Variants in PRKCE observed in about 807,000 individuals in gnomAD.
PRKCE encodes protein kinase C epsilon type.
PRKCE carries 16 observed loss-of-function variants against 85.4 expected under a neutral mutation model. The observed-to-expected ratio is 0.19, with a 90% CI of 0.13 to 0.28. The LOEUF (loss-of-function observed/expected upper bound fraction) is 0.28, where lower values mean the gene tolerates loss of function less well. Among genes scored for constraint, PRKCE ranks in the 10% least tolerant of loss-of-function variants. The pLI, the probability that PRKCE is intolerant of heterozygous loss-of-function variation, is 1.00. For missense variants in PRKCE, 573 were observed against 975.2 expected, an observed-to-expected ratio of 0.59 and a Z score of 5.49; for synonymous variants, 388 against 371.5, an observed-to-expected ratio of 1.04 and a Z score of -0.51.
chr2:45,921,072 C>T (rs1294601217), intron 2 of PRKCE, among the ~76,000 whole-genome samples: 3 of 152,224 alleles, frequency 2.0e-5, no homozygotes, highest in African/African-American at 4.8e-5. Context: ...GAAATGTCCC[C>T]TGCCCTAAAA....
In PRKCE at chr2:45,781,181, AAT is replaced by A. The variant is rs201576251; in HGVS notation, c.349-61817_349-61816del. Among the ~76,000 whole-genome samples the A allele has an allele frequency of 1.5e-3, 221 of 148,632 alleles. 1 individual carries two copies. The highest frequency in any genetic ancestry group is 5.4e-3 in the African/African-American group (207 of 38,462). On this transcript the variant is annotated intron_variant, in intron 1 of 14. Transcript: ENST00000306156. ...GACCCCCCCATCTCTACAAAATAAT[AAT>A]AAAAAAAAAAGCCTGGTGTGGAGTA...
At chr2:45,803,847 G>T (rs1688048320) in intron 1 of PRKCE, among the ~76,000 whole-genome samples, 1 of 152,150 alleles carries the variant, frequency 6.6e-6, no homozygotes, top group Non-Finnish European at 1.5e-5. Flanking sequence ...ATTATGCTTT[G>T]CAGGGTGAGT....
At chr2:45,778,302 G>C (rs1185188828) in intron 1 of PRKCE, among the ~76,000 whole-genome samples, 1 of 152,242 alleles carries the variant, frequency 6.6e-6, no homozygotes, top group East Asian at 1.9e-4. Context: ...AATCCAGGAG[G>C]CTTTTATCTT....
At chr2:45,751,213 G>A (rs1683531925) in intron 1 of PRKCE, among the ~76,000 whole-genome samples, 1 of 152,108 alleles carries the variant, frequency 6.6e-6, no homozygotes, top group Non-Finnish European at 1.5e-5. Context: ...CTGCCATAAT[G>A]GTGTGTACAT....
chr2:46,179,885 C>G (rs1339473851), intron 14 of PRKCE, among the ~76,000 whole-genome samples: 1 of 152,192 alleles, frequency 6.6e-6, no homozygotes, highest in African/African-American at 2.4e-5. Flanking sequence ...AAAACACCCC[C>G]TGACAGCACA....
chr2:45,722,045 C>A (rs1283759936), intron 1 of PRKCE, among the ~76,000 whole-genome samples: 1 of 151,558 alleles, frequency 6.6e-6, no homozygotes, highest in Non-Finnish European at 1.5e-5. Flanking sequence ...TGGGGTACAC[C>A]TATCCATATT....
intron 2 of PRKCE, among the ~76,000 whole-genome samples, chr2:45,853,162 C>T (rs1692412036): frequency 6.6e-6 from 1 of 152,148 alleles, no homozygotes; most frequent in Non-Finnish European, 1.5e-5. Flanking sequence ...TTCTCCCTCC[C>T]CATTCTCCTT....
At chr2:46,086,495 C>A in intron 11 of PRKCE, 133 bp downstream of exon 11, 2 of 1,115,920 alleles carry the variant, frequency 1.8e-6, no homozygotes, top group Non-Finnish European at 2.5e-6. Flanking sequence ...TTCCAATTTG[C>A]TTACAGAAGA....
rs868188992 is a variant in PRKCE at position 45,744,545 on chromosome 2, T to C, written c.348+92097T>C. Among the ~76,000 whole-genome samples, 58 of 85,268 alleles carry C rather than the reference T, an allele frequency of 6.8e-4. 2 individuals are homozygous for C. The highest frequency in any genetic ancestry group is 5.2e-3 in the Middle Eastern group (1 of 194). The allele number at this position is 85,268 out of a possible 152,430, so 55.9% of individuals were successfully genotyped here. A position where few individuals can be genotyped will look rare whatever the true frequency, so the allele number is the denominator to read the frequency against. On this transcript the variant is annotated intron_variant, in intron 1 of 14. Transcript: ENST00000306156. The stretch of plus-strand genomic sequence containing the variant: ...CTTTCTTTTTCTTTCCTTCTTTCTT[T>C]CTTTCTTCCTTCCTTCCTTCCTTCC...
At chr2:46,169,690 C>T (rs1270754690) in intron 14 of PRKCE, among the ~76,000 whole-genome samples, 1 of 152,136 alleles carries the variant, frequency 6.6e-6, no homozygotes, top group Non-Finnish European at 1.5e-5. Context: ...GCACTCCGTC[C>T]CCCCTAGCGC....
At chr2:46,099,389 T>G (rs1332372711) in intron 11 of PRKCE, among the ~76,000 whole-genome samples, 1 of 152,108 alleles carries the variant, frequency 6.6e-6, no homozygotes, top group African/African-American at 2.4e-5. Context: ...CCATACACAA[T>G]GTGCATTTAT....
chr2:46,010,923 A>T lies in PRKCE; in HGVS notation c.1437+406A>T, dbSNP rs184464504. Reference sequence around the variant, plus strand: ...GTAAAGGCCACCTTAATCTCTTCTAATCTGTGTAATGTCATCTGAAATAAA... The same window carrying T: ...GTAAAGGCCACCTTAATCTCTTCTATTCTGTGTAATGTCATCTGAAATAAA... On this transcript the variant is annotated intron_variant, in intron 10 of 14. Coordinates refer to ENST00000306156, the MANE Select transcript of PRKCE (RefSeq NM_005400.3). 3.1e-5 allele frequency: 45 copies of T among 1,448,970 alleles called. No homozygotes were observed. In the African/African-American group the frequency reaches 6.1e-4, roughly 20 times the overall value. 89.8% of individuals were successfully genotyped at this position (1,448,970 alleles called of 1,614,324 possible). A position where few individuals can be genotyped will look rare whatever the true frequency, so the allele number is the denominator to read the frequency against.
intron 11 of PRKCE, among the ~76,000 whole-genome samples, chr2:46,093,256 A>G (rs1353568160): frequency 6.6e-6 from 1 of 152,214 alleles, no homozygotes; most frequent in Non-Finnish European, 1.5e-5. Flanking sequence ...CCTTCGTTTT[A>G]TAGGTGCAGA....
At chr2:46,038,651 TCA>T (rs3222422) in intron 10 of PRKCE, among the ~76,000 whole-genome samples, 29,927 of 128,038 alleles carry the variant, frequency 0.23, 3,288 homozygotes, top group East Asian at 0.28. Context: ...AGTAACAACT[TCA>T]CACACACACA....
At chr2:46,056,908 A>G (rs914049736) in intron 10 of PRKCE, among the ~76,000 whole-genome samples, 1 of 152,222 alleles carries the variant, frequency 6.6e-6, no homozygotes, top group Non-Finnish European at 1.5e-5. Flanking sequence ...TTGGATCACT[A>G]TTGCTACAAA....
intron 14 of PRKCE, among the ~76,000 whole-genome samples, chr2:46,168,513 C>T (rs1678569111): frequency 1.3e-5 from 2 of 152,196 alleles, no homozygotes; most frequent in East Asian, 3.9e-4. Flanking sequence ...TTATATTCAA[C>T]AAGTGTTTGT....
intron 1 of PRKCE, among the ~76,000 whole-genome samples, chr2:45,758,846 A>G (rs1684212995): frequency 1.3e-5 from 2 of 152,170 alleles, no homozygotes; most frequent in South Asian, 4.1e-4. Context: ...TGAATCACCT[A>G]GCGTCTTCAG....
chr2:46,075,271 C>T (rs895767270), intron 10 of PRKCE, among the ~76,000 whole-genome samples: 2 of 151,832 alleles, frequency 1.3e-5, no homozygotes, highest in Non-Finnish European at 2.9e-5. Context: ...TTAATCTCCT[C>T]GTGATCCGCC....
intron 1 of PRKCE, among the ~76,000 whole-genome samples, chr2:45,703,865 T>G (rs1325514737): frequency 6.6e-6 from 1 of 152,264 alleles, no homozygotes; most frequent in Admixed American, 6.5e-5. Flanking sequence ...CTCATCCATA[T>G]GCTCACAGAA....
Sources: gnomAD v4.1 joint callset for allele counts (sites outside exome capture counted in the v4.1 genomes callset) on GRCh38, gnomAD v4.1.1 for gene constraint, MANE v1.5 for transcripts, NCBI Gene and HGNC (gene_info 2026-07-23, HGNC 2026-07-21) for gene names.